The following SRRM2 variants were observed in gnomAD, a reference collection of about 807,000 sequenced individuals.
The protein encoded by SRRM2 is serine/arginine repetitive matrix protein 2.
A neutral mutation model predicts 213.8 loss-of-function variants in SRRM2; 30 were observed. The ratio of observed to expected loss-of-function variants is 0.14; its 90% confidence interval spans 0.10 to 0.19. The LOEUF (loss-of-function observed/expected upper bound fraction) is 0.19, where lower values mean the gene tolerates loss of function less well. SRRM2 is among the 10% of genes least tolerant of loss of function. The pLI, the probability that SRRM2 is intolerant of heterozygous loss-of-function variation, is 1.00. For synonymous variants in SRRM2, 2,025 were observed against 1,377.7 expected (o/e 1.47, Z -10.40); for missense variants, 4,904 against 3,647.0 (o/e 1.34, Z -8.88).
rs1392279730 is a variant in SRRM2 at position 2,769,299 on chromosome 16, G to A, written c.8021+15G>A. 9 of 1,541,266 alleles carry A rather than the reference G, an allele frequency of 5.8e-6. No individual in the cohort carries two copies. The highest frequency in any genetic ancestry group is 6.1e-6 in the Non-Finnish European group (7 of 1,144,530). Reference sequence around the variant, plus strand: ...GGCGAGCGGAGGTGAGTGCTGTCTTGCCTGAGTTGAAAGGTGGGTGGGGGA... The same window carrying A: ...GGCGAGCGGAGGTGAGTGCTGTCTTACCTGAGTTGAAAGGTGGGTGGGGGA... On this transcript the variant is annotated intron_variant, in intron 12 of 14. Coordinates refer to ENST00000301740, the MANE Select transcript of SRRM2 (RefSeq NM_016333.4).
In SRRM2 at chr16:2,763,597, C is replaced by T. The variant is rs1178223619; in HGVS notation, c.3069C>T (p.Asp1023=). ...CATGTCCCCAAGAGAAGTCTAAAGACTCACTAGTTCAAAGTTGCCCTGGAT... is the reference window on the plus strand; with the variant it reads ...CATGTCCCCAAGAGAAGTCTAAAGATTCACTAGTTCAAAGTTGCCCTGGAT... ...KSPCPQEKSK[D]SLVQSCPGSL... The change falls in exon 11 of 15, where the codon GAC becomes GAT. Residue 1023 remains aspartate (D), a synonymous_variant. Transcript: ENST00000301740. The T allele has an allele frequency of 6.2e-7, 1 of 1,614,038 alleles. No individual in the cohort carries two copies. Among genetic ancestry groups the T allele is most frequent in the African/African-American group, 1.3e-5 (1 of 74,922 alleles).
In SRRM2 at chr16:2,763,734, C is replaced by G. The variant is rs1199295504; in HGVS notation, c.3206C>G (p.Ser1069Cys). The G allele has an allele frequency of 2.5e-6, 4 of 1,614,182 alleles. No individual in the cohort carries two copies. Among genetic ancestry groups the G allele is most frequent in the Non-Finnish European group, 3.4e-6 (4 of 1,180,036 alleles). ...TCTCAAACTTCACCAGACCACAGATCTGATACTTCAAGTCCAGAAGTGAGA... is the reference window on the plus strand; with the variant it reads ...TCTCAAACTTCACCAGACCACAGATGTGATACTTCAAGTCCAGAAGTGAGA... ...GQSQTSPDHR[S>C]DTSSPEVRQS... The change falls in exon 11 of 15, where the codon TCT becomes TGT. Residue 1069 changes from serine to cysteine, a missense_variant. Coordinates refer to ENST00000301740, the MANE Select transcript of SRRM2 (RefSeq NM_016333.4).
At position 2,767,912 on chromosome 16, in the gene SRRM2, T is replaced by A. The variant is rs2068599222; in HGVS notation, c.7384T>A (p.Leu2462Met). Residue 2462 changes from leucine (L) to methionine (M), a missense_variant, in exon 11 of 15, where the codon TTG becomes ATG. Physicochemically the swap from Leu to Met is conservative, Grantham distance 15. Transcript: ENST00000301740. ...PSAFSDQSRC[L>M]IAQTTPVAGS... ...TGCTTTTTCAGACCAATCCCGTTGTTTGATTGCCCAGACCACCCCTGTAGC... is the reference window on the plus strand; with the variant it reads ...TGCTTTTTCAGACCAATCCCGTTGTATGATTGCCCAGACCACCCCTGTAGC... The A allele has an allele frequency of 2.5e-6, 4 of 1,614,062 alleles. No individual in the cohort carries two copies. The South Asian group carries it at 4.4e-5, about 18-fold the overall frequency.
Position 2,770,869 on chromosome 16 carries a change from TTG to T in SRRM2, c.*4_*5del, listed in dbSNP as rs774353066. ...ATCTTCTCTTGCAGGTCTCCATAAATTGTCTTTGGGGGATTCCACCACACCCA... is the reference window on the plus strand; with the variant it reads ...ATCTTCTCTTGCAGGTCTCCATAAATTCTTTGGGGGATTCCACCACACCCA... On this transcript the variant is annotated 3_prime_UTR_variant, in exon 15 of 15. Coordinates refer to ENST00000301740, the MANE Select transcript of SRRM2 (RefSeq NM_016333.4). The T allele has an allele frequency of 4.3e-6, 7 of 1,613,818 alleles. No individual in the cohort carries two copies.
rs1231832932 is a variant in SRRM2 at position 2,767,318 on chromosome 16, G to T, written c.6790G>T (p.Ala2264Ser). Residue 2264 changes from alanine to serine, a missense_variant, in exon 11 of 15, where the codon GCA (alanine) becomes TCA (serine). Coordinates refer to ENST00000301740, the MANE Select transcript of SRRM2 (RefSeq NM_016333.4). Reference protein sequence around the residue: ...VNLADSRTPAAAAAMNLASPR... With the variant: ...VNLADSRTPASAAAMNLASPR... ...CCTGGCTGACTCTCGAACGCCAGCT[G>T]CAGCAGCGGCCATGAACTTGGCCAG... 22 of 1,613,894 alleles carry T rather than the reference G, an allele frequency of 1.4e-5. No homozygotes were observed. The highest frequency in any genetic ancestry group is 1.8e-5 in the Non-Finnish European group (21 of 1,180,048).
At position 2,764,350 on chromosome 16, in the gene SRRM2, A is replaced by G. The variant is rs1236416104; in HGVS notation, c.3822A>G (p.Val1274=). ...GTAACTTTGAATCATCTCCTGAAGT[A>G]GAAGAAAGGCCTGCTGTGTCTTTGA... ...STSNFESSPE[V]EERPAVSLTL... Residue 1274 remains valine, a synonymous_variant, in exon 11 of 15, where the codon GTA becomes GTG. Transcript: ENST00000301740. 48 of 1,614,088 alleles carry G rather than the reference A, an allele frequency of 3.0e-5. No homozygotes were observed. Among genetic ancestry groups the G allele is most frequent in the Non-Finnish European group, 3.9e-5 (46 of 1,180,050 alleles).
chr16:2,760,156 T>G lies in SRRM2; in HGVS notation c.834-145T>G. On this transcript the variant is annotated intron_variant, in intron 9 of 14. Transcript: ENST00000301740. ...AAAGTGGACTGTACTTGCATTTCAG[T>G]GAATGATTTGAGTTGTGCGACTAAA... is the stretch of plus-strand genomic sequence containing the variant. 4.0e-6 allele frequency: 3 copies of G among 747,566 alleles called. No individual in the cohort carries two copies. In the Middle Eastern group the frequency reaches 1.1e-3, roughly 286 times the overall value. The allele number at this position is 747,566 out of a possible 1,614,324, so 46.3% of individuals were successfully genotyped here.
At position 2,759,387 on chromosome 16, in the gene SRRM2, A is replaced by T. The variant is rs777167753; in HGVS notation, c.725A>T (p.Asp242Val). 6.3e-7 allele frequency: 1 copy of T among 1,595,072 alleles called. No individual in the cohort carries two copies. The highest frequency in any genetic ancestry group is 8.5e-7 in the Non-Finnish European group (1 of 1,174,366). Residue 242 changes from aspartate to valine, a missense_variant, in exon 8 of 15, where the codon GAC becomes GTC. Transcript: ENST00000301740. ...PTPKSKRKSKDKKRKRSRSTT... is the reference protein window; with the variant it reads ...PTPKSKRKSKVKKRKRSRSTT... ...CCAAAGAGCAAACGTAAATCTAAGG[A>T]CAAAAAGCGAAAGCGGTGAGTGAAT...
In SRRM2 at chr16:2,756,491, C is replaced by T. The variant is rs1182825644; in HGVS notation, c.127C>T (p.Arg43Trp). 1.1e-5 allele frequency: 17 copies of T among 1,613,822 alleles called. No individual in the cohort carries two copies. The highest frequency in any genetic ancestry group is 5.3e-5 in the African/African-American group (4 of 74,924). The change falls in exon 2 of 15, where the codon CGG becomes TGG. Residue 43 changes from arginine to tryptophan, a missense_variant. Physicochemically the swap from Arg to Trp is moderately radical, Grantham distance 101 (BLOSUM62 -3). Coordinates refer to ENST00000301740, the MANE Select transcript of SRRM2 (RefSeq NM_016333.4). ...RPDYKGEEEL[R>W]RLEAALVKRP... ...TGACTACAAGGGAGAGGAGGAACTGCGGCGCCTGGAGGCTGCCCTGGTGAA... is the reference window on the plus strand; with the variant it reads ...TGACTACAAGGGAGAGGAGGAACTGTGGCGCCTGGAGGCTGCCCTGGTGAA...
In SRRM2 at chr16:2,765,581, C is replaced by T; in HGVS notation, c.5053C>T (p.Pro1685Ser). 1.9e-6 allele frequency: 3 copies of T among 1,614,192 alleles called. No homozygotes were observed. Among genetic ancestry groups the T allele is most frequent in the Non-Finnish European group, 2.5e-6 (3 of 1,180,024 alleles). ...AGAGCCCAAGACCAAGTCTCGTACA[C>T]CACCTCGACGTCGCAGCTCTCGATC... ...SPEPKTKSRT[P>S]PRRRSSRSSP... Residue 1685 changes from proline to serine, a missense_variant, in exon 11 of 15, where the codon CCA (proline) becomes TCA (serine). Physicochemically the swap from Pro to Ser is moderately conservative, Grantham distance 74 (BLOSUM62 -1). Coordinates refer to ENST00000301740, the MANE Select transcript of SRRM2 (RefSeq NM_016333.4).
At position 2,765,330 on chromosome 16, in the gene SRRM2, C is replaced by T. The variant is rs761288967; in HGVS notation, c.4802C>T (p.Ser1601Phe). ...CCTCGGCGCAGTAGGTCTGGTTCCT[C>T]CCCTGAAGTGAAAGATAAGCCAAGA... Reference protein sequence around the residue: ...LSPRRSRSGSSPEVKDKPRAA... With the variant: ...LSPRRSRSGSFPEVKDKPRAA... The change falls in exon 11 of 15, where the codon TCC becomes TTC. Residue 1601 changes from serine to phenylalanine, a missense_variant. Ser to Phe is a radical substitution (Grantham distance 155). Coordinates refer to ENST00000301740, the MANE Select transcript of SRRM2 (RefSeq NM_016333.4). The T allele has an allele frequency of 5.0e-6, 8 of 1,614,136 alleles. 1 individual carries two copies. The South Asian group carries it at 6.6e-5, about 13-fold the overall frequency.
rs1229455424 is a variant in SRRM2, at chr16:2,768,158, T to C, written c.7630T>C (p.Ser2544Pro). 8.7e-6 allele frequency: 14 copies of C among 1,610,382 alleles called. No homozygotes were observed. Among genetic ancestry groups the C allele is most frequent in the Non-Finnish European group, 1.1e-5 (13 of 1,176,864 alleles). Residue 2544 changes from serine to proline, a missense_variant, in exon 11 of 15, where the codon TCT becomes CCT. By Grantham distance (74) the Ser-to-Pro change is moderately conservative. Transcript: ENST00000301740. The part of the protein sequence containing the change: ...SSSSSSSSSS[S>P]SSSSSSSSSS... ...GTCGTCGTCGTCCTCTAGCTCCTCC[T>C]CTTCTTCATCATCGTCGTCGTCGTC...
chr16:2,758,561 A>T lies in SRRM2; in HGVS notation c.593+14A>T. On this transcript the variant is annotated intron_variant, in intron 5 of 14. Transcript: ENST00000301740. ...AGATAGAGGACGGTAAGTTAGTTGGAAAGTGACTCTGATAGCCAGAGGACC... is the reference window on the plus strand; with the variant it reads ...AGATAGAGGACGGTAAGTTAGTTGGTAAGTGACTCTGATAGCCAGAGGACC... 6.2e-7 allele frequency: 1 copy of T among 1,611,114 alleles called. No individual in the cohort carries two copies.
rs769714631 is a variant in SRRM2 at position 2,766,263 on chromosome 16, G to T, written c.5735G>T (p.Arg1912Leu). Residue 1912 changes from arginine (R) to leucine (L), a missense_variant, in exon 11 of 15, where the codon CGG (arginine) becomes CTG (leucine). By Grantham distance (102) the Arg-to-Leu change is moderately radical. Transcript: ENST00000301740. The surrounding 1 kb of genome is among the most constrained non-coding windows in gnomAD (Gnocchi z 7.0). ...ACTTCAGTGACTCGACGAAGATCCC[G>T]GTCAAGAGCATCCCCAGTGAGCAGA... The part of the protein sequence containing the change: ...SRTSVTRRRS[R>L]SRASPVSRRR... The T allele has an allele frequency of 3.8e-5, 62 of 1,614,014 alleles. No individual in the cohort carries two copies. The highest frequency in any genetic ancestry group is 1.1e-4 in the South Asian group (10 of 91,078).
Position 2,764,737 on chromosome 16 carries a change from T to C in SRRM2, c.4209T>C (p.Ser1403=). 6.2e-7 allele frequency: 1 copy of C among 1,614,178 alleles called. No homozygotes were observed. Among genetic ancestry groups the C allele is most frequent in the East Asian group, 2.2e-5 (1 of 44,892 alleles). ...KAGMSSNQSI[S]SPVLDAVPRT... is the part of the protein sequence containing the mutation. ...GGATGTCTTCAAATCAGAGCATCTC[T>C]TCACCTGTGCTTGATGCTGTACCCA... The change falls in exon 11 of 15, where the codon TCT becomes TCC. Residue 1403 remains serine, a synonymous_variant. Coordinates refer to ENST00000301740, the MANE Select transcript of SRRM2 (RefSeq NM_016333.4).
At position 2,752,663 on chromosome 16, in the gene SRRM2, C is replaced by G. The variant is rs775133039; in HGVS notation, c.-215C>G. The G allele has an allele frequency of 2.6e-5, 7 of 266,408 alleles. No homozygotes were observed. Among genetic ancestry groups the G allele is most frequent in the Non-Finnish European group, 5.3e-5 (7 of 132,890 alleles). The allele number at this position is 266,408 out of a possible 1,614,324, so 16.5% of individuals were successfully genotyped here. On this transcript the variant is annotated 5_prime_UTR_variant, in exon 1 of 15. Transcript: ENST00000301740. ...GTGCTGACGTGCAGCGCGGCCCAGGCGGGGTGCGAGTGGCGCAGTTGGAGC... is the reference window on the plus strand; with the variant it reads ...GTGCTGACGTGCAGCGCGGCCCAGGGGGGGTGCGAGTGGCGCAGTTGGAGC...
chr16:2,768,322 G>A, intron 11 of SRRM2, 61 bp downstream of exon 11: 1 of 1,494,918 alleles, frequency 6.7e-7, no homozygotes, highest in Non-Finnish European at 8.9e-7. Flanking sequence ...GGGTTGGGGA[G>A]TGGGGAGGGA....
Position 2,762,119 on chromosome 16 carries a change from C to A in SRRM2, c.1591C>A (p.Arg531Ser). The A allele has an allele frequency of 1.2e-6, 2 of 1,614,168 alleles. No individual in the cohort carries two copies. The highest frequency in any genetic ancestry group is 1.7e-6 in the Non-Finnish European group (2 of 1,180,018). Residue 531 changes from arginine to serine, a missense_variant, in exon 11 of 15, where the codon CGT becomes AGT. Coordinates refer to ENST00000301740, the MANE Select transcript of SRRM2 (RefSeq NM_016333.4). ...GGGAAGATCTAGAAGCCCCCAGCGA[C>A]GTGGCCGCTCTAGGTCTCCTCAGCG... Reference protein sequence around the residue: ...RWGRSRSPQRRGRSRSPQRPG... With the variant: ...RWGRSRSPQRSGRSRSPQRPG...
chr16:2,757,977 C>G, intron 4 of SRRM2, 32 bp downstream of exon 4: 3 of 1,588,774 alleles, frequency 1.9e-6, no homozygotes, highest in Middle Eastern at 1.7e-4. Context: ...CTGTCAGCTT[C>G]TTTTCTTGAT....
Sources: allele counts gnomAD v4.1 joint callset, GRCh38; gene constraint gnomAD v4.1.1; non-coding constraint Gnocchi (gnomAD v3.1); transcripts MANE v1.5; gene names NCBI Gene and HGNC (gene_info 2026-07-23, HGNC 2026-07-21).